The following LNX1 variants were observed in gnomAD, a reference collection of about 807,000 sequenced individuals.
LNX1 encodes the protein ligand of numb-protein X 1.
LNX1 carries 54 observed loss-of-function variants against 68.4 expected under a neutral mutation model. That is an observed-to-expected ratio of 0.79 (90% CI 0.63 to 0.99). The LOEUF is 0.99. LNX1 is among the 50% of genes least tolerant of loss of function. The probability of loss-of-function intolerance (pLI) is 0.00; values close to 1 mark genes in which losing one functional copy is unlikely to be tolerated. For synonymous variants in LNX1, 336 were observed against 350.0 expected (o/e 0.96, Z 0.45); for missense variants, 906 against 926.4 (o/e 0.98, Z 0.29).
intron 2 of LNX1, among the ~76,000 whole-genome samples, chr4:53,508,938 T>G (rs1726124053): frequency 8.2e-5 from 1 of 12,208 alleles, no homozygotes; most frequent in Non-Finnish European, 1.4e-3. Flanking sequence ...CTATCCATGC[T>G]ATAAAAAAAA....
At chr4:53,534,709 G>A (rs1382174646) in intron 2 of LNX1, among the ~76,000 whole-genome samples, 1 of 152,160 alleles carries the variant, frequency 6.6e-6, no homozygotes, top group African/African-American at 2.4e-5. Flanking sequence ...ATTTGTCTTT[G>A]GGGGAGGATG....
intron 1 of LNX1, among the ~76,000 whole-genome samples, chr4:53,587,584 A>T (rs1415405228): frequency 6.6e-6 from 1 of 152,176 alleles, no homozygotes; most frequent in Non-Finnish European, 1.5e-5. Context: ...AGCATCTCTT[A>T]TGTGTCCTCG....
At chr4:53,642,179 A>G (rs1734712335) in intron 1 of LNX1, among the ~76,000 whole-genome samples, 2 of 149,984 alleles carry the variant, frequency 1.3e-5, no homozygotes, top group Admixed American at 6.7e-5. Context: ...CCATGATCAC[A>G]TTACTGCACT....
upstream of LNX1, among the ~76,000 whole-genome samples, chr4:53,618,675 T>C (rs779796246): frequency 3.1e-4 from 47 of 152,256 alleles, no homozygotes; most frequent in Non-Finnish European, 8.8e-5. Context: ...GCCAATAGGA[T>C]GACAATGCAA....
At chr4:53,642,140 T>G (rs913593074) in intron 1 of LNX1, among the ~76,000 whole-genome samples, 1 of 151,078 alleles carries the variant, frequency 6.6e-6, no homozygotes, top group Non-Finnish European at 1.5e-5. Flanking sequence ...GAGGATTGCT[T>G]GAGCTCAAAA....
intron 2 of LNX1, among the ~76,000 whole-genome samples, chr4:53,606,851 A>G (rs1489654945): frequency 6.6e-6 from 1 of 152,216 alleles, no homozygotes; most frequent in Non-Finnish European, 1.5e-5. Context: ...ACTAAAGACA[A>G]AAACCCACAT....
Position 53,460,422 on chromosome 4 carries a change from A to G in LNX1, c.*485T>C, listed in dbSNP as rs1721735683. 5.3e-6 allele frequency: 1 copy of G among 189,678 alleles called. No individual in the cohort carries two copies. The highest frequency in any genetic ancestry group is 1.1e-5 in the Non-Finnish European group (1 of 90,688). 11.7% of individuals were successfully genotyped at this position (189,678 alleles called of 1,614,324 possible). A position where few individuals can be genotyped will look rare whatever the true frequency, so the allele number is the denominator to read the frequency against. On this transcript the variant is annotated 3_prime_UTR_variant, in exon 11 of 11. Transcript: ENST00000263925. ...TTTAAATAGTGATAATACAAAAGTAATCTTAATTAGTATCACATACTAAAA... is the reference window on the plus strand; with the variant it reads ...TTTAAATAGTGATAATACAAAAGTAGTCTTAATTAGTATCACATACTAAAA...
Position 53,539,811 on chromosome 4 carries a change from T to A in LNX1, c.381-31584A>T, listed in dbSNP as rs1728626003. ...CTCGCTTCATATTTTCAAAGTCAGC[T>A]TTTGGAGGACAGGGACAATGGTTTC... On this transcript the variant is annotated intron_variant, in intron 2 of 10. Transcript: ENST00000263925. Among the ~76,000 whole-genome samples, 3 of 152,328 alleles carry A rather than the reference T, an allele frequency of 2.0e-5. No homozygotes were observed. The South Asian group carries it at 6.2e-4, about 32-fold the overall frequency.
At chr4:53,489,492 A>G (rs762794767) in intron 6 of LNX1, among the ~76,000 whole-genome samples, 1 of 152,130 alleles carries the variant, frequency 6.6e-6, no homozygotes, top group Non-Finnish European at 1.5e-5. Flanking sequence ...CAGTAAAATG[A>G]CTCAGCATCC....
chr4:53,624,667 G>T (rs1385642902), intron 1 of LNX1, among the ~76,000 whole-genome samples: 1 of 152,080 alleles, frequency 6.6e-6, no homozygotes, highest in Non-Finnish European at 1.5e-5. Flanking sequence ...CTCTCCTAGG[G>T]TTCTCAGAAT....
At chr4:53,580,923 G>T (rs1346831265) in intron 1 of LNX1, among the ~76,000 whole-genome samples, 2 of 152,148 alleles carry the variant, frequency 1.3e-5, no homozygotes, top group African/African-American at 4.8e-5. Context: ...TTAAACAAAT[G>T]ATAAATCAGA....
chr4:53,469,270 T>A (rs866270827), intron 9 of LNX1, among the ~76,000 whole-genome samples: 12 of 152,172 alleles, frequency 7.9e-5, no homozygotes, highest in Admixed American at 2.0e-4. Context: ...AAGGCAGAAA[T>A]AAAGATGTTC....
intron 2 of LNX1, among the ~76,000 whole-genome samples, chr4:53,515,524 A>T (rs1406701127): frequency 1.3e-5 from 2 of 151,582 alleles, no homozygotes; most frequent in African/African-American, 4.9e-5. Flanking sequence ...CCCCACCAAA[A>T]AAAAAATGAC....
At chr4:53,502,753 G>A (rs1324819107) in intron 4 of LNX1, among the ~76,000 whole-genome samples, 2 of 152,114 alleles carry the variant, frequency 1.3e-5, no homozygotes, top group Non-Finnish European at 2.9e-5. Context: ...TACTAACCTT[G>A]CTGTTTTATC....
At chr4:53,598,465 C>T (rs1341215723) in intron 2 of LNX1, among the ~76,000 whole-genome samples, 1 of 151,956 alleles carries the variant, frequency 6.6e-6, no homozygotes, top group African/African-American at 2.4e-5. Context: ...ACTCCTGGGC[C>T]CAAGCGATCC....
chr4:53,470,780 A>T (rs1458116606), intron 9 of LNX1, among the ~76,000 whole-genome samples: 3 of 152,102 alleles, frequency 2.0e-5, no homozygotes, highest in Admixed American at 1.3e-4. Context: ...TCCAACTTAC[A>T]AGGGACGTGA....
At chr4:53,471,355 G>A (rs536994994) in intron 9 of LNX1, among the ~76,000 whole-genome samples, 1 of 152,214 alleles carries the variant, frequency 6.6e-6, no homozygotes, top group South Asian at 2.1e-4. Flanking sequence ...ATGGATTAAA[G>A]ACTTATATGT....
In LNX1 at chr4:53,573,983, G is replaced by C; in HGVS notation, c.20C>G (p.Ala7Gly). Residue 7 changes from alanine to glycine, a missense_variant, in exon 2 of 11, where the codon GCC (alanine) becomes GGC (glycine). Transcript: ENST00000263925. MNQPES[A>G]NDPEPLCAVC... ...TGCACACAGGGGTTCAGGATCGTTGGCAGACTCTGGCTGGTTCATGATGGA... is the reference window on the plus strand; with the variant it reads ...TGCACACAGGGGTTCAGGATCGTTGCCAGACTCTGGCTGGTTCATGATGGA... The C allele has an allele frequency of 6.2e-7, 1 of 1,612,160 alleles. No individual in the cohort carries two copies. The highest frequency in any genetic ancestry group is 2.2e-5 in the East Asian group (1 of 44,858).
intron 1 of LNX1, chr4:53,575,438 T>C (rs1731422209): frequency 3.3e-6 from 3 of 895,980 alleles, no homozygotes; most frequent in Non-Finnish European, 4.0e-6. Context: ...GCGCCAACTC[T>C]GAGCTAGGTC....
Sources: gnomAD v4.1 joint callset for allele counts (sites outside exome capture counted in the v4.1 genomes callset) on GRCh38, gnomAD v4.1.1 for gene constraint, MANE v1.5 for transcripts, NCBI Gene and HGNC (gene_info 2026-07-23, HGNC 2026-07-21) for gene names.